The following CDON variants were observed in gnomAD, a reference collection of about 807,000 sequenced individuals.
CDON encodes cell adhesion associated, oncogene regulated.
A neutral mutation model predicts 120.9 loss-of-function variants in CDON; 73 were observed. The ratio of observed to expected loss-of-function variants is 0.60; its 90% CI spans 0.50 to 0.73. CDON has a LOEUF of 0.73. CDON is among the 30% of genes least tolerant of loss of function. The pLI is 0.00. For missense variants in CDON, 1,470 were observed against 1,587.3 expected, an observed-to-expected ratio of 0.93 and a Z score of 1.26; for synonymous variants, 566 against 573.5, an observed-to-expected ratio of 0.99 and a Z score of 0.19.
Position 125,983,914 on chromosome 11 carries a change from C to T in CDON, c.2953G>A (p.Ala985Thr), listed in dbSNP as rs748475660. Residue 985 changes from alanine (A) to threonine (T), a missense_variant, in exon 16 of 20, where the codon GCA (alanine) becomes ACA (threonine). Coordinates refer to ENST00000531738, the MANE Select transcript of CDON (RefSeq NM_001378964.1). ...VMVLILMVFI[A>T]MCLWKNRQQN... Reference sequence around the variant, plus strand: ...TGGCGATTCTTCCACAGGCACATTGCAATGAAAACCATCAGAATGAGGACC... The same window carrying T: ...TGGCGATTCTTCCACAGGCACATTGTAATGAAAACCATCAGAATGAGGACC... 57 of 1,613,944 alleles carry T rather than the reference C, an allele frequency of 3.5e-5. No individual in the cohort carries two copies. In the South Asian group the frequency reaches 5.5e-4, roughly 16 times the overall value.
upstream of CDON, chr11:126,063,211 G>A (rs928337138): frequency 6.6e-6 from 1 of 152,226 alleles, no homozygotes; most frequent in African/African-American, 2.4e-5. Flanking sequence ...GACAGGTAAG[G>A]GTGAGTTGCC....
In CDON at chr11:125,961,897, C is replaced by G; in HGVS notation, c.3458G>C (p.Ser1153Thr). 1 of 1,614,212 alleles carries G rather than the reference C, an allele frequency of 6.2e-7. No homozygotes were observed. The part of the protein sequence containing the change: ...PQDGLEMKPL[S>T]HVKVPVCLTS... The stretch of plus-strand genomic sequence containing the variant: ...CAGGCATACAGGCACCTTCACGTGA[C>G]TGAGGGGCTTCATTTCCAAACCATC... The change falls in exon 19 of 20, where the codon AGT becomes ACT. Residue 1153 changes from serine to threonine, a missense_variant. Coordinates refer to ENST00000531738, the MANE Select transcript of CDON (RefSeq NM_001378964.1).
chr11:125,985,164 C>A (rs924617468), intron 15 of CDON, among the ~76,000 whole-genome samples: 11 of 151,956 alleles, frequency 7.2e-5, no homozygotes, highest in African/African-American at 2.7e-4. Context: ...ACCTCCAAAA[C>A]CTCAGTTTTT....
chr11:126,033,556 G>A (rs1948008222), intron 1 of CDON, among the ~76,000 whole-genome samples: 1 of 152,192 alleles, frequency 6.6e-6, no homozygotes, highest in Non-Finnish European at 1.5e-5. Flanking sequence ...CAGGGATGGA[G>A]TCAAACAGTC....
intron 11 of CDON, 55 bp from the exon 12 acceptor site, chr11:125,997,465 A>G: frequency 7.7e-7 from 1 of 1,302,490 alleles, no homozygotes; most frequent in Admixed American, 1.9e-5. Context: ...CAAGAATAAC[A>G]TAGTTAAATT....
chr11:126,011,496 T>A (rs1375780579), intron 7 of CDON, among the ~76,000 whole-genome samples: 1 of 152,244 alleles, frequency 6.6e-6, no homozygotes, highest in Non-Finnish European at 1.5e-5. Flanking sequence ...AGGCTGAACA[T>A]CTTTGCATGT....
chr11:125,968,782 C>G (rs925693795), intron 18 of CDON, among the ~76,000 whole-genome samples: 3 of 152,146 alleles, frequency 2.0e-5, no homozygotes, highest in Non-Finnish European at 2.9e-5. Context: ...TACACTGAAT[C>G]TTAACTCATA....
rs554340388 is a variant in CDON at position 126,058,761 on chromosome 11, G to T, written c.-62+3818C>A. ...GAAAAGTACACAAGAAACAAACTGG[G>T]CTAATATTCTGAAAAAAAGTTTGTG... On this transcript the variant is annotated intron_variant, in intron 1 of 19. Transcript: ENST00000531738. Among the ~76,000 whole-genome samples, 4 of 152,310 alleles carry T rather than the reference G, an allele frequency of 2.6e-5. No homozygotes were observed. In the South Asian group the frequency reaches 8.3e-4, roughly 32 times the overall value.
At chr11:126,039,137 T>C (rs990498274) in intron 1 of CDON, among the ~76,000 whole-genome samples, 1 of 152,182 alleles carries the variant, frequency 6.6e-6, no homozygotes, top group Non-Finnish European at 1.5e-5. Context: ...AGAACCCTAC[T>C]TGATACTGAG....
rs143835905 is a variant in CDON, at chr11:126,011,040, A to G, written c.1199-346T>C. ...GTTGAAACCTCAGACCTTAACAGGAAAAATGTGTAAATAAGTATAAAAGTA... is the reference window on the plus strand; with the variant it reads ...GTTGAAACCTCAGACCTTAACAGGAGAAATGTGTAAATAAGTATAAAAGTA... On this transcript the variant is annotated intron_variant, in intron 7 of 19. Coordinates refer to ENST00000531738, the MANE Select transcript of CDON (RefSeq NM_001378964.1). 891 of 377,480 alleles carry G rather than the reference A, an allele frequency of 2.4e-3. 15 individuals carry two copies. Among genetic ancestry groups the G allele is most frequent in the African/African-American group, 0.018 (848 of 47,442 alleles). The allele number at this position is 377,480 out of a possible 1,614,324, so 23.4% of individuals were successfully genotyped here. A position where few individuals can be genotyped will look rare whatever the true frequency, so the allele number is the denominator to read the frequency against.
In CDON at chr11:126,021,418, G is replaced by C; in HGVS notation, c.179C>G (p.Ser60Ter). 1 of 1,614,108 alleles carries C rather than the reference G, an allele frequency of 6.2e-7. No homozygotes were observed. Among genetic ancestry groups the C allele is most frequent in the Non-Finnish European group, 8.5e-7 (1 of 1,179,994 alleles). The change falls in exon 3 of 20, where the codon TCA becomes TGA. Residue 60 changes from serine to a stop codon, truncating the protein, a stop_gained. Coordinates refer to ENST00000531738, the MANE Select transcript of CDON (RefSeq NM_001378964.1). LOFTEE classifies it high-confidence loss of function. ...CAATGTTTTTCCGTTATGCAGCCAT[G>C]AGATACGAGTGGTCACAGGTTGAGC... ...CSAQPVTTRI[S>*]WLHNGKTLDG... is the part of the protein sequence containing the mutation.
At chr11:125,971,227 T>A (rs906095981) in intron 18 of CDON, among the ~76,000 whole-genome samples, 5 of 151,458 alleles carry the variant, frequency 3.3e-5, no homozygotes, top group Non-Finnish European at 5.9e-5. Flanking sequence ...ACTAAAAACA[T>A]AAAAAATTAG....
At chr11:126,056,181 T>C (rs1196719695) in intron 1 of CDON, among the ~76,000 whole-genome samples, 4 of 152,224 alleles carry the variant, frequency 2.6e-5, no homozygotes, top group African/African-American at 7.2e-5. Context: ...CAGGAGTCCA[T>C]GCCCCTTCCA....
intron 1 of CDON, among the ~76,000 whole-genome samples, chr11:126,030,582 A>G (rs920426850): frequency 2.0e-5 from 3 of 152,208 alleles, no homozygotes; most frequent in African/African-American, 7.2e-5. Context: ...GAAACATGGT[A>G]ATTTCCTTTT....
chr11:125,998,031 T>A (rs1438780330), intron 11 of CDON, among the ~76,000 whole-genome samples: 2 of 152,018 alleles, frequency 1.3e-5, no homozygotes, highest in African/African-American at 2.4e-5. Context: ...TAAACAAAAG[T>A]GCTAGCAGAA....
intron 14 of CDON, among the ~76,000 whole-genome samples, chr11:125,990,824 G>A (rs539045404): frequency 3.8e-4 from 58 of 152,082 alleles, no homozygotes; most frequent in African/African-American, 1.3e-3. Context: ...GTACAGACCC[G>A]CGTTTTTTAA....
At chr11:126,007,335 A>G (rs950160078) in intron 8 of CDON, among the ~76,000 whole-genome samples, 4 of 152,370 alleles carry the variant, frequency 2.6e-5, no homozygotes, top group African/African-American at 9.6e-5. Context: ...AGCATCCTCC[A>G]TCAGAGAAAA....
chr11:125,994,973 T>G lies in CDON; in HGVS notation c.2442A>C (p.Gln814His), dbSNP rs200964802. ...SFRSSASRPY[Q>H]VVGFPNRFSS... ...AAAAGCGATTGGGGAACCCAACCAC[T>G]TGATAAGGACGAGATGCTGAACTCC... Residue 814 changes from glutamine to histidine, a missense_variant, in exon 13 of 20, where the codon CAA becomes CAC. By Grantham distance (24) the Gln-to-His change is conservative. Coordinates refer to ENST00000531738, the MANE Select transcript of CDON (RefSeq NM_001378964.1). 5.8e-5 allele frequency: 94 copies of G among 1,614,128 alleles called. 1 individual carries two copies. In the East Asian group the frequency reaches 2.1e-3, roughly 36 times the overall value.
intron 3 of CDON, among the ~76,000 whole-genome samples, chr11:126,020,365 T>C (rs1947597906): frequency 2.6e-5 from 4 of 152,192 alleles, no homozygotes; most frequent in Admixed American, 2.6e-4. Flanking sequence ...AGGATATCAT[T>C]ATTTAGATTA....
Sources: allele counts gnomAD v4.1 joint callset (sites outside exome capture counted in the v4.1 genomes callset), GRCh38; gene constraint gnomAD v4.1.1; transcripts MANE v1.5; gene names NCBI Gene and HGNC (gene_info 2026-07-23, HGNC 2026-07-21).